Variants in COG5 observed in about 807,000 individuals in gnomAD.
The protein encoded by COG5 is component of oligomeric golgi complex 5.
Under a neutral mutation model 110.4 loss-of-function variants are expected in COG5, and 86 were observed. The observed-to-expected ratio is 0.78, with a 90% confidence interval of 0.65 to 0.93. COG5 has a LOEUF of 0.93. Among genes scored for constraint, COG5 ranks in the 40% least tolerant of loss-of-function variants. The pLI is 0.00. For synonymous variants in COG5, 360 were observed against 334.6 expected (o/e 1.08, Z -0.83); for missense variants, 1,077 against 987.0 (o/e 1.09, Z -1.22).
At chr7:107,239,839 G>C (rs1801477058) in intron 17 of COG5, among the ~76,000 whole-genome samples, 1 of 152,152 alleles carries the variant, frequency 6.6e-6, no homozygotes, top group Admixed American at 6.5e-5. Flanking sequence ...CATTAGAAAA[G>C]ATACTTGATT....
At chr7:107,446,869 A>G (rs1251124227) in intron 6 of COG5, among the ~76,000 whole-genome samples, 1 of 152,166 alleles carries the variant, frequency 6.6e-6, no homozygotes, top group Non-Finnish European at 1.5e-5. Flanking sequence ...TTAGTTAACT[A>G]TTGCTGCCAT....
chr7:107,514,897 G>C (rs921300902), intron 6 of COG5, among the ~76,000 whole-genome samples: 3 of 152,024 alleles, frequency 2.0e-5, no homozygotes, highest in Admixed American at 1.3e-4. Context: ...GCAGAGACTG[G>C]TTTACCCCAT....
chr7:107,534,298 T>A (rs1489244175), intron 5 of COG5, among the ~76,000 whole-genome samples: 1 of 151,642 alleles, frequency 6.6e-6, no homozygotes, highest in African/African-American at 2.4e-5. Flanking sequence ...AATGACAGGA[T>A]AAAATTCACA....
chr7:107,340,836 T>C (rs1811116162), intron 10 of COG5, among the ~76,000 whole-genome samples: 1 of 152,082 alleles, frequency 6.6e-6, no homozygotes, highest in Non-Finnish European at 1.5e-5. Flanking sequence ...CTAATATCCT[T>C]CATAAAAATC....
intron 5 of COG5, among the ~76,000 whole-genome samples, chr7:107,529,301 C>T (rs1165415848): frequency 6.6e-6 from 1 of 152,144 alleles, no homozygotes; most frequent in East Asian, 1.9e-4. Context: ...CCACTAGGAA[C>T]GTCGGTTGAT....
chr7:107,484,997 T>C (rs1431691326), intron 6 of COG5, among the ~76,000 whole-genome samples: 1 of 152,174 alleles, frequency 6.6e-6, no homozygotes, highest in Admixed American at 6.5e-5. Flanking sequence ...TACAGTTACC[T>C]TCTCCTTCCC....
intron 6 of COG5, among the ~76,000 whole-genome samples, chr7:107,498,352 C>T (rs545348681): frequency 6.6e-5 from 10 of 152,140 alleles, no homozygotes; most frequent in African/African-American, 1.9e-4. Flanking sequence ...CTATGAAATG[C>T]GAGAAAATAT....
rs145929298 is a variant in COG5 at position 107,275,658 on chromosome 7, C to T, written c.1575+5642G>A. Among the ~76,000 whole-genome samples the T allele has an allele frequency of 6.5e-4, 98 of 151,920 alleles. No homozygotes were observed. The East Asian group carries it at 0.017, about 27-fold the overall frequency. ...GCAACCTCCGCCTCCTGGGTTCATGCGATTCTCCTGGCGCGCCACCACACC... is the reference window on the plus strand; with the variant it reads ...GCAACCTCCGCCTCCTGGGTTCATGTGATTCTCCTGGCGCGCCACCACACC... On this transcript the variant is annotated intron_variant, in intron 14 of 21. Transcript: ENST00000297135.
At chr7:107,489,968 A>T (rs1433898424) in intron 6 of COG5, among the ~76,000 whole-genome samples, 1 of 152,194 alleles carries the variant, frequency 6.6e-6, no homozygotes, top group East Asian at 1.9e-4. Context: ...GTTCAGCATA[A>T]TACCTGCCAT....
chr7:107,515,151 A>G (rs1239806237), intron 6 of COG5, among the ~76,000 whole-genome samples: 1 of 152,188 alleles, frequency 6.6e-6, no homozygotes, highest in African/African-American at 2.4e-5. Flanking sequence ...TCATGAAGGT[A>G]TGGTCTGGTT....
At chr7:107,423,794 A>T (rs972498723) in intron 6 of COG5, among the ~76,000 whole-genome samples, 5 of 152,188 alleles carry the variant, frequency 3.3e-5, no homozygotes, top group African/African-American at 1.2e-4. Context: ...TCTTCTGGGA[A>T]TGCAAGGAAG....
chr7:107,559,101 A>G (rs1173616607), intron 1 of COG5, among the ~76,000 whole-genome samples: 1 of 152,004 alleles, frequency 6.6e-6, no homozygotes, highest in African/African-American at 2.4e-5. Context: ...GTGAATCTGG[A>G]ATTTTAGTAA....
intron 7 of COG5, among the ~76,000 whole-genome samples, chr7:107,377,938 C>T (rs548541096): frequency 6.6e-6 from 1 of 152,314 alleles, no homozygotes; most frequent in East Asian, 1.9e-4. Flanking sequence ...AGACGGCCTC[C>T]TCAAGTAGGT....
At chr7:107,382,427 GTTTTTCTT>G (rs1328442099) in intron 7 of COG5, among the ~76,000 whole-genome samples, 1 of 152,124 alleles carries the variant, frequency 6.6e-6, no homozygotes, top group African/African-American at 2.4e-5. Context: ...ACTGAAGTCT[GTTTTTCTT>G]TTTTTCTTTC....
At chr7:107,237,918 C>CA (rs1801326999) in intron 17 of COG5, among the ~76,000 whole-genome samples, 1 of 152,022 alleles carries the variant, frequency 6.6e-6, no homozygotes, top group Admixed American at 6.6e-5. Flanking sequence ...GGCCAGGCTG[C>CA]AAAAACAAAC....
chr7:107,338,830 C>T (rs1810931246), intron 10 of COG5, among the ~76,000 whole-genome samples: 1 of 151,966 alleles, frequency 6.6e-6, no homozygotes, highest in East Asian at 1.9e-4. Context: ...ATTAAAATGG[C>T]TAACAAGCAT....
intron 6 of COG5, among the ~76,000 whole-genome samples, chr7:107,517,058 C>T (rs1799970997): frequency 6.6e-6 from 1 of 152,124 alleles, no homozygotes; most frequent in African/African-American, 2.4e-5. Context: ...ACAAACTCTG[C>T]TGAGCTAAAG....
intron 10 of COG5, among the ~76,000 whole-genome samples, chr7:107,353,439 A>C (rs907883399): frequency 5.3e-5 from 8 of 151,424 alleles, no homozygotes; most frequent in Non-Finnish European, 1.2e-4. Flanking sequence ...AAAAAAAAAA[A>C]AAAAGAAAAC....
At chr7:107,396,114 C>A (rs867964731) in intron 7 of COG5, among the ~76,000 whole-genome samples, 1 of 152,158 alleles carries the variant, frequency 6.6e-6, no homozygotes, top group Non-Finnish European at 1.5e-5. Context: ...ATGTTACACA[C>A]ACGTAACACT....
Sources: gnomAD v4.1 joint callset for allele counts (sites outside exome capture counted in the v4.1 genomes callset) on GRCh38, gnomAD v4.1.1 for gene constraint, MANE v1.5 for transcripts, NCBI Gene and HGNC (gene_info 2026-07-23, HGNC 2026-07-21) for gene names.